Variants in ZDBF2 observed in about 807,000 individuals in gnomAD.
ZDBF2 encodes zinc finger DBF-type containing 2.
ZDBF2 carries 6 observed loss-of-function variants against 9.4 expected under a neutral mutation model. The observed-to-expected ratio is 0.64, with a 90% CI of 0.35 to 1.27. The LOEUF is 1.27. ZDBF2 is among the 50% of genes most tolerant of loss of function. ZDBF2 has a pLI of 0.03. For synonymous variants in ZDBF2, 905 were observed against 946.3 expected, an observed-to-expected ratio of 0.96 and a Z score of 0.80; for missense variants, 2,697 against 2,766.8, an observed-to-expected ratio of 0.97 and a Z score of 0.57.
At chr2:206,303,990 C>G (rs1692636157) in intron 4 of ZDBF2, among the ~76,000 whole-genome samples, 1 of 152,050 alleles carries the variant, frequency 6.6e-6, no homozygotes, top group South Asian at 2.1e-4. Flanking sequence ...TTGCTATTAC[C>G]CCTCCCTCCG....
Position 206,305,775 on chromosome 2 carries a change from CACTG to C in ZDBF2, c.1254_1257del (p.Asp419AsnfsTer4). On this transcript the variant is annotated frameshift_variant, in exon 5 of 5. Coordinates refer to ENST00000374423, the MANE Select transcript of ZDBF2 (RefSeq NM_020923.3). LOFTEE classifies it low-confidence loss of function (END_TRUNC). The stretch of plus-strand genomic sequence containing the variant: ...TTTGATTGCAGTTCCTCTTTTCATT[CACTG>C]ACTGACCAATCTAAAGTGAGTGCCA... The C allele has an allele frequency of 6.2e-7, 1 of 1,613,704 alleles. No individual in the cohort carries two copies. Among genetic ancestry groups the C allele is most frequent in the Non-Finnish European group, 8.5e-7 (1 of 1,179,810 alleles).
At position 206,308,232 on chromosome 2, in the gene ZDBF2, G is replaced by A; in HGVS notation, c.3704G>A (p.Arg1235Lys). 1.2e-6 allele frequency: 2 copies of A among 1,613,882 alleles called. No homozygotes were observed. The highest frequency in any genetic ancestry group is 2.2e-5 in the South Asian group (2 of 91,072). Residue 1235 changes from arginine to lysine, a missense_variant, in exon 5 of 5, where the codon AGA becomes AAA. By Grantham distance (26) the Arg-to-Lys change is conservative. Around this residue, in one of 3 missense-constraint regions of ZDBF2, gnomAD observed 1,783 missense variants for 1,776.5 expected, o/e 1.00. Coordinates refer to ENST00000374423, the MANE Select transcript of ZDBF2 (RefSeq NM_020923.3). ...GAAGAAGTTGACACGGAAGATAGGA[G>A]AAATGAAGCTAAGGGTTTTGAAATT... ...KDEEVDTEDR[R>K]NEAKGFEIMY...
rs1319097465 is a variant in ZDBF2 at position 206,304,949 on chromosome 2, CTG to C, written c.422_423del (p.Leu141ArgfsTer13). Reference protein sequence around the residue: ...VSVRPSVIQKLEKGQQQPLEF... With the variant: ...VSVRPSVIQKXEKGQQQPLEF... ...AGTTCGACCATCAGTTATTCAAAAA[CTG>C]GAGAAGGGACAGCAGCAGCCCTTGG... On this transcript the variant is annotated frameshift_variant, in exon 5 of 5. Coordinates refer to ENST00000374423, the MANE Select transcript of ZDBF2 (RefSeq NM_020923.3). LOFTEE classifies it low-confidence loss of function (END_TRUNC). 7.4e-6 allele frequency: 12 copies of C among 1,613,648 alleles called. No homozygotes were observed. The highest frequency in any genetic ancestry group is 1.0e-5 in the Non-Finnish European group (12 of 1,179,780).
At position 206,308,652 on chromosome 2, in the gene ZDBF2, A is replaced by AGGC; in HGVS notation, c.4125_4127dup (p.Ala1378dup). 1 of 1,612,468 alleles carries AGGC rather than the reference A, an allele frequency of 6.2e-7. No individual in the cohort carries two copies. The highest frequency in any genetic ancestry group is 1.3e-5 in the African/African-American group (1 of 75,064). On this transcript the variant is annotated inframe_insertion, in exon 5 of 5. Transcript: ENST00000374423. ...AGTTCTGATTCCAATGACTCTTTTC[A>AGGC]GGCAGCAGCAGATGAGCTTCAAAAA...
chr2:206,282,794 A>G lies in ZDBF2; in HGVS notation c.60+885A>G, dbSNP rs73983009. ...TGTTTTATTATGTTCACAAAGTGGT[A>G]CAACCATTGTCTAATTCCAGAACAT... On this transcript the variant is annotated intron_variant, in intron 3 of 4. Transcript: ENST00000374423. Among the ~76,000 whole-genome samples the G allele has an allele frequency of 4.1e-3, 622 of 152,324 alleles. 6 individuals carry two copies. Among genetic ancestry groups the G allele is most frequent in the African/African-American group, 0.014 (569 of 41,568 alleles).
chr2:206,278,071 T>C (rs1691119487), intron 1 of ZDBF2, among the ~76,000 whole-genome samples: 4 of 152,162 alleles, frequency 2.6e-5, no homozygotes, highest in African/African-American at 9.7e-5. Flanking sequence ...AGGGTGGCTA[T>C]AGAATAGAAT....
Position 206,305,651 on chromosome 2 carries a change from T to G in ZDBF2, c.1123T>G (p.Ser375Ala). 1 of 1,613,724 alleles carries G rather than the reference T, an allele frequency of 6.2e-7. No homozygotes were observed. The highest frequency in any genetic ancestry group is 1.1e-5 in the South Asian group (1 of 91,056). ...KFDCISLQSA[S>A]DQPQETAQDL... The stretch of plus-strand genomic sequence containing the variant: ...TGATTGTATCTCTCTTCAGTCAGCA[T>G]CTGATCAGCCCCAAGAGACTGCACA... The change falls in exon 5 of 5, where the codon TCT becomes GCT. Residue 375 changes from serine to alanine, a missense_variant. By Grantham distance (99) the Ser-to-Ala change is moderately conservative. This residue lies in a region of ZDBF2 where 910 missense variants were observed against 973.6 expected (regional missense o/e 0.93). Transcript: ENST00000374423.
rs773825946 is a variant in ZDBF2, at chr2:206,307,414, C to G, written c.2886C>G (p.Val962=). ...TTGAAACAAGTTTGGATTCTGATGT[C>G]CCTCTTCAGGCAGCGACTCACAAAC... The part of the protein sequence containing the change: ...SVFETSLDSD[V]PLQAATHKPE... The change falls in exon 5 of 5, where the codon GTC becomes GTG. Residue 962 remains valine (V), a synonymous_variant. Coordinates refer to ENST00000374423, the MANE Select transcript of ZDBF2 (RefSeq NM_020923.3). 6.2e-7 allele frequency: 1 copy of G among 1,612,744 alleles called. No homozygotes were observed. The highest frequency in any genetic ancestry group is 8.5e-7 in the Non-Finnish European group (1 of 1,179,562).
chr2:206,297,925 C>A (rs1692284051), intron 4 of ZDBF2, among the ~76,000 whole-genome samples: 1 of 152,180 alleles, frequency 6.6e-6, no homozygotes, highest in Admixed American at 6.5e-5. Flanking sequence ...AGGTGATCCA[C>A]CCGCCTTGGC....
chr2:206,289,585 C>T (rs1691781652), intron 3 of ZDBF2, among the ~76,000 whole-genome samples: 1 of 152,130 alleles, frequency 6.6e-6, no homozygotes, highest in South Asian at 2.1e-4. Context: ...GCCTCAGGGA[C>T]AAAAGGGAGC....
chr2:206,284,419 T>G (rs12694051), intron 3 of ZDBF2, among the ~76,000 whole-genome samples: 2 of 151,910 alleles, frequency 1.3e-5, no homozygotes, highest in Non-Finnish European at 2.9e-5. Flanking sequence ...CACCTCAAAC[T>G]TTTATCATTT....
chr2:206,302,093 C>CA (rs1692536304), intron 4 of ZDBF2, among the ~76,000 whole-genome samples: 1 of 151,946 alleles, frequency 6.6e-6, no homozygotes, highest in African/African-American at 2.4e-5. Context: ...ACTGTAGTCT[C>CA]AAAGTCCTGG....
rs768889544 is a variant in ZDBF2, at chr2:206,305,952, A to C, written c.1424A>C (p.Gln475Pro). The change falls in exon 5 of 5, where the codon CAG becomes CCG. Residue 475 changes from glutamine to proline, a missense_variant. Physicochemically the swap from Gln to Pro is moderately conservative, Grantham distance 76. This residue lies in a region of ZDBF2 where 910 missense variants were observed against 973.6 expected (regional missense o/e 0.93). Transcript: ENST00000374423. ...ATGATTGTTAAAGAAATAAGTCTTC[A>C]GAATGCAAGGCATATTAGCCTGGTT... ...SQMIVKEISLQNARHISLVDQ... is the reference protein window; with the variant it reads ...SQMIVKEISLPNARHISLVDQ... 11 of 1,613,456 alleles carry C rather than the reference A, an allele frequency of 6.8e-6. No homozygotes were observed. The highest frequency in any genetic ancestry group is 9.3e-6 in the Non-Finnish European group (11 of 1,179,650).
chr2:206,299,798 T>C (rs531342650), intron 4 of ZDBF2, among the ~76,000 whole-genome samples: 52 of 149,918 alleles, frequency 3.5e-4, no homozygotes, highest in African/African-American at 1.2e-3. Flanking sequence ...AGGCCTGTCT[T>C]GGCCTCTAAA....
chr2:206,283,106 C>T (rs1691408821), intron 3 of ZDBF2, among the ~76,000 whole-genome samples: 3 of 152,172 alleles, frequency 2.0e-5, no homozygotes, highest in Admixed American at 2.0e-4. Context: ...TTTGTTTATT[C>T]ATTGAGCAAT....
chr2:206,311,326 T>C lies in ZDBF2; in HGVS notation c.6798T>C (p.Ala2266=). 1 of 1,604,580 alleles carries C rather than the reference T, an allele frequency of 6.2e-7. No homozygotes were observed. Reference sequence around the variant, plus strand: ...GGCTAAAGAAGGCGAAGAGAACAGCTAAAGTGCTTTTGAACTCTTCAGTTC... The same window carrying C: ...GGCTAAAGAAGGCGAAGAGAACAGCCAAAGTGCTTTTGAACTCTTCAGTTC... The part of the protein sequence containing the change: ...VSRLKKAKRT[A]KVLLNSSVPP... The change falls in exon 5 of 5, where the codon GCT becomes GCC. Residue 2266 remains alanine (A), a synonymous_variant. Transcript: ENST00000374423.
chr2:206,290,476 A>C (rs979313567), intron 3 of ZDBF2, among the ~76,000 whole-genome samples: 1 of 152,246 alleles, frequency 6.6e-6, no homozygotes, highest in African/African-American at 2.4e-5. Flanking sequence ...CTTCCAATCC[A>C]TGAATAGAGG....
intron 3 of ZDBF2, among the ~76,000 whole-genome samples, chr2:206,286,629 C>A (rs968948430): frequency 3.3e-5 from 5 of 151,872 alleles, no homozygotes; most frequent in African/African-American, 1.2e-4. Flanking sequence ...ATTCTGTGCT[C>A]AAGATATCCT....
rs1282590192 is a variant in ZDBF2, at chr2:206,314,040, A to T, written c.*2447A>T. On this transcript the variant is annotated 3_prime_UTR_variant, in exon 5 of 5. Transcript: ENST00000374423. ...TGGCTTAATTTGCAGAATAGATAAA[A>T]CAATTGATGTTTTTGTGTGTTCAAG... is the stretch of plus-strand genomic sequence containing the variant. 1 of 152,184 alleles carries T rather than the reference A, an allele frequency of 6.6e-6. No individual in the cohort carries two copies. The highest frequency in any genetic ancestry group is 1.5e-5 in the Non-Finnish European group (1 of 68,018). The allele number at this position is 152,184 out of a possible 1,614,324, so 9.4% of individuals were successfully genotyped here. A position where few individuals can be genotyped will look rare whatever the true frequency, so the allele number is the denominator to read the frequency against.
Sources: gnomAD v4.1 joint callset for allele counts (sites outside exome capture counted in the v4.1 genomes callset) on GRCh38, gnomAD v4.1.1 for gene constraint, gnomAD v4.1.1 regional missense constraint, MANE v1.5 for transcripts, NCBI Gene and HGNC (gene_info 2026-07-23, HGNC 2026-07-21) for gene names.